Variants in MARCHF1 observed in about 807,000 individuals in gnomAD.
MARCHF1 encodes the protein E3 ubiquitin-protein ligase MARCHF1.
MARCHF1 carries 40 observed loss-of-function variants against 54.2 expected under a neutral mutation model. The ratio of observed to expected loss-of-function variants is 0.74; its 90% CI spans 0.57 to 0.96. The LOEUF (loss-of-function observed/expected upper bound fraction) is 0.96. MARCHF1 is among the 40% of genes least tolerant of loss of function. The pLI, the probability that MARCHF1 is intolerant of heterozygous loss-of-function variation, is 0.00. For synonymous variants in MARCHF1, 236 were observed against 236.3 expected (o/e 1.00, Z 0.01); for missense variants, 586 against 656.5 (o/e 0.89, Z 1.17).
intron 3 of MARCHF1, among the ~76,000 whole-genome samples, chr4:163,868,545 C>G (rs1750103843): frequency 6.6e-6 from 1 of 151,902 alleles, no homozygotes; most frequent in Non-Finnish European, 1.5e-5. Flanking sequence ...TCTAATTTCA[C>G]TGTGCAATTT....
chr4:163,562,646 G>C (rs1281808332), intron 8 of MARCHF1, among the ~76,000 whole-genome samples: 1 of 152,024 alleles, frequency 6.6e-6, no homozygotes, highest in East Asian at 1.9e-4. Flanking sequence ...GAGGCTTCTA[G>C]AGACATCCTG....
intron 3 of MARCHF1, among the ~76,000 whole-genome samples, chr4:163,877,230 T>A (rs1377935423): frequency 6.6e-6 from 1 of 152,194 alleles, no homozygotes; most frequent in Non-Finnish European, 1.5e-5. Context: ...TGAAAAGTTC[T>A]TGATTAAATG....
chr4:163,722,852 C>T (rs1277537452), intron 4 of MARCHF1, among the ~76,000 whole-genome samples: 2 of 152,136 alleles, frequency 1.3e-5, no homozygotes, highest in South Asian at 2.1e-4. Context: ...GCAACCCCTG[C>T]CTTTTTTTGT....
intron 9 of MARCHF1, among the ~76,000 whole-genome samples, chr4:163,533,651 A>C (rs978349470): frequency 5.4e-5 from 8 of 147,950 alleles, no homozygotes; most frequent in Non-Finnish European, 1.2e-4. Context: ...GTTAACCTAA[A>C]TCTGCTCCAA....
At chr4:163,959,330 C>A (rs929971622) in intron 3 of MARCHF1, among the ~76,000 whole-genome samples, 18 of 149,352 alleles carry the variant, frequency 1.2e-4, no homozygotes, top group African/African-American at 4.5e-4. Flanking sequence ...ACAACAACAA[C>A]AAAAAAAAAA....
intron 1 of MARCHF1, among the ~76,000 whole-genome samples, chr4:164,126,562 TG>T (rs1171465006): frequency 3.3e-5 from 5 of 152,122 alleles, no homozygotes; most frequent in African/African-American, 1.2e-4. Context: ...AATTGGCTAA[TG>T]GGTAGAAATG....
At chr4:163,986,384 C>A (rs1054994531) in intron 3 of MARCHF1, among the ~76,000 whole-genome samples, 2 of 150,796 alleles carry the variant, frequency 1.3e-5, no homozygotes, top group Admixed American at 1.3e-4. Flanking sequence ...CCTGCCTCAG[C>A]CTCCTGAGTA....
chr4:163,742,850 G>C (rs773107820), intron 4 of MARCHF1, among the ~76,000 whole-genome samples: 2 of 152,092 alleles, frequency 1.3e-5, no homozygotes, highest in Non-Finnish European at 2.9e-5. Flanking sequence ...TCACCCAATT[G>C]ATTTTGTTAG....
chr4:163,929,984 AT>A (rs1751632058), intron 3 of MARCHF1, among the ~76,000 whole-genome samples: 2 of 127,446 alleles, frequency 1.6e-5, no homozygotes, highest in African/African-American at 5.9e-5. Context: ...TATATATAAT[AT>A]ATATATAATA....
At position 163,585,666 on chromosome 4, in the gene MARCHF1, C is replaced by G; in HGVS notation, c.1191+83G>C. 5.4e-6 allele frequency: 6 copies of G among 1,119,908 alleles called. No individual in the cohort carries two copies. The South Asian group carries it at 7.1e-5, about 13-fold the overall frequency. 69.4% of individuals were successfully genotyped at this position (1,119,908 alleles called of 1,614,324 possible). ...ATGGATATTAGCATATTAGGAGAAT[C>G]GTATTGGCAAAGGAAATAGATTTCT... is the stretch of plus-strand genomic sequence containing the variant. On this transcript the variant is annotated intron_variant, in intron 8 of 9. Transcript: ENST00000514618.
chr4:164,348,443 G>T (rs775742495), intron 1 of MARCHF1, among the ~76,000 whole-genome samples: 3 of 152,094 alleles, frequency 2.0e-5, no homozygotes, highest in African/African-American at 4.8e-5. Context: ...GACTCTCATG[G>T]TTTGTTCCCT....
chr4:163,765,008 A>C (rs1024323892), intron 4 of MARCHF1, among the ~76,000 whole-genome samples: 1 of 152,060 alleles, frequency 6.6e-6, no homozygotes, highest in Non-Finnish European at 1.5e-5. Flanking sequence ...TGAGCTCTTG[A>C]GGTTTTCTCA....
intron 3 of MARCHF1, among the ~76,000 whole-genome samples, chr4:163,952,165 A>G (rs901314251): frequency 6.6e-6 from 1 of 152,198 alleles, no homozygotes; most frequent in Admixed American, 6.5e-5. Flanking sequence ...ATATACAGAC[A>G]TATTTTCCAT....
chr4:164,058,620 A>G (rs1296683520), intron 2 of MARCHF1, among the ~76,000 whole-genome samples: 1 of 152,116 alleles, frequency 6.6e-6, no homozygotes, highest in Non-Finnish European at 1.5e-5. Flanking sequence ...TGTGGATCAC[A>G]CATGACCCTG....
intron 5 of MARCHF1, among the ~76,000 whole-genome samples, chr4:163,688,104 C>T (rs1012494107): frequency 8.6e-5 from 13 of 151,550 alleles, no homozygotes; most frequent in African/African-American, 2.4e-4. Context: ...CACATGGAAA[C>T]AGCTCAAAAA....
intron 2 of MARCHF1, among the ~76,000 whole-genome samples, chr4:164,029,677 C>A (rs1753837938): frequency 6.6e-6 from 1 of 152,130 alleles, no homozygotes; most frequent in Non-Finnish European, 1.5e-5. Flanking sequence ...TCACTGCAAC[C>A]TCTGCCTCCT....
Position 163,700,911 on chromosome 4 carries a change from T to C in MARCHF1, c.112-48A>G, listed in dbSNP as rs1192152662. 6 of 1,282,982 alleles carry C rather than the reference T, an allele frequency of 4.7e-6. No individual in the cohort carries two copies. The Admixed American group carries it at 1.2e-4, about 25-fold the overall frequency. The allele number at this position is 1,282,982 out of a possible 1,614,324, so 79.5% of individuals were successfully genotyped here. ...TTAATTAAAAGAAGGTATGGTACTTTCACCATACTGTACCACTGAGAAGAG... is the reference window on the plus strand; with the variant it reads ...TTAATTAAAAGAAGGTATGGTACTTCCACCATACTGTACCACTGAGAAGAG... On this transcript the variant is annotated intron_variant, in intron 4 of 9. Transcript: ENST00000514618.
At chr4:164,102,445 GT>G (rs1755586205) in intron 2 of MARCHF1, among the ~76,000 whole-genome samples, 1 of 132,534 alleles carries the variant, frequency 7.5e-6, no homozygotes, top group Non-Finnish European at 1.6e-5. Context: ...CCAGAAGAGA[GT>G]GGGGGCCAAT....
In MARCHF1 at chr4:164,141,470, G is replaced by C. The variant is rs954956750; in HGVS notation, c.-322-29808C>G. ...CCATCATTTCTACTAAAATTAACAAGTCTGTGCCATACCAAATCAGGCTCC... is the reference window on the plus strand; with the variant it reads ...CCATCATTTCTACTAAAATTAACAACTCTGTGCCATACCAAATCAGGCTCC... On this transcript the variant is annotated intron_variant, in intron 1 of 9. Coordinates refer to ENST00000514618, the MANE Select transcript of MARCHF1 (RefSeq NM_001394959.1). 3.9e-5 allele frequency among the ~76,000 whole-genome samples: 6 copies of C among 152,228 alleles called. No individual in the cohort carries two copies. The East Asian group carries it at 1.2e-3, about 29-fold the overall frequency.
Sources: allele counts gnomAD v4.1 joint callset (sites outside exome capture counted in the v4.1 genomes callset), GRCh38; gene constraint gnomAD v4.1.1; transcripts MANE v1.5; gene names NCBI Gene and HGNC (gene_info 2026-07-23, HGNC 2026-07-21).